Variants in ZBTB7C observed in about 807,000 individuals in gnomAD.
ZBTB7C encodes zinc finger and BTB domain containing 7C.
In ZBTB7C, 8 loss-of-function variants were observed where a neutral mutation model predicts 25.7. The ratio of observed to expected loss-of-function variants is 0.31; its 90% CI spans 0.18 to 0.56. The LOEUF (loss-of-function observed/expected upper bound fraction) is 0.56. Ranked by LOEUF, ZBTB7C falls within the 20% of genes least tolerant of loss-of-function variation. The pLI, the probability that ZBTB7C is intolerant of heterozygous loss-of-function variation, is 0.91. For synonymous variants in ZBTB7C, 394 were observed against 369.0 expected, an observed-to-expected ratio of 1.07 and a Z score of -0.78; for missense variants, 824 against 855.2, an observed-to-expected ratio of 0.96 and a Z score of 0.46.
At chr18:48,107,566 T>C (rs575999572) in intron 3 of ZBTB7C, among the ~76,000 whole-genome samples, 1 of 152,038 alleles carries the variant, frequency 6.6e-6, no homozygotes, top group South Asian at 2.1e-4. Context: ...CCTGGAGATG[T>C]TTCTGGTGAT....
At chr18:48,122,822 G>A (rs770618328) in intron 3 of ZBTB7C, among the ~76,000 whole-genome samples, 6 of 152,176 alleles carry the variant, frequency 3.9e-5, no homozygotes, top group Admixed American at 2.0e-4. Context: ...TAGCACCATT[G>A]TAGCTGCTCA....
chr18:48,286,298 G>A (rs1390543084), intron 2 of ZBTB7C, among the ~76,000 whole-genome samples: 1 of 151,274 alleles, frequency 6.6e-6, no homozygotes, highest in Non-Finnish European at 1.5e-5. Flanking sequence ...AATCATCATG[G>A]TAACTAGAAA....
chr18:48,058,489 G>A lies in ZBTB7C; in HGVS notation c.-16-17366C>T, dbSNP rs576708896. Among the ~76,000 whole-genome samples the A allele has an allele frequency of 1.2e-4, 18 of 152,306 alleles. No individual in the cohort carries two copies. In the South Asian group the frequency reaches 1.2e-3, roughly 11 times the overall value. The stretch of plus-strand genomic sequence containing the variant: ...TCCATTCTCTTTTCTGCATTGGTGC[G>A]TGTTCCTTTGAGCTGCTCACACCTC... On this transcript the variant is annotated intron_variant, in intron 3 of 4. Coordinates refer to ENST00000590800, the MANE Select transcript of ZBTB7C (RefSeq NM_001318841.2).
intron 2 of ZBTB7C, among the ~76,000 whole-genome samples, chr18:48,265,715 A>T (rs150756084): frequency 6.6e-6 from 1 of 152,290 alleles, no homozygotes; most frequent in African/African-American, 2.4e-5. Flanking sequence ...ACAAACCCTA[A>T]ATGAGGGGCA....
At chr18:48,156,128 G>A (rs796249751) in intron 3 of ZBTB7C, among the ~76,000 whole-genome samples, 2 of 152,202 alleles carry the variant, frequency 1.3e-5, no homozygotes, top group Admixed American at 1.3e-4. Context: ...TTACAAATGC[G>A]CCTACAGGGC....
At chr18:48,076,411 G>A (rs1166892334) in intron 3 of ZBTB7C, among the ~76,000 whole-genome samples, 1 of 152,236 alleles carries the variant, frequency 6.6e-6, no homozygotes, top group Non-Finnish European at 1.5e-5. Flanking sequence ...GGTGCCTAGA[G>A]GAGGGTAAGG....
At chr18:48,326,279 A>G (rs776826143) in intron 2 of ZBTB7C, among the ~76,000 whole-genome samples, 32 of 152,024 alleles carry the variant, frequency 2.1e-4, no homozygotes, top group Non-Finnish European at 4.1e-4. Flanking sequence ...CATTTTTAGT[A>G]GAGACGGGGT....
intron 2 of ZBTB7C, among the ~76,000 whole-genome samples, chr18:48,261,139 C>G (rs2156652): frequency 0.32 from 48,072 of 152,020 alleles, 7,871 homozygotes; most frequent in Middle Eastern, 0.4. Context: ...TTTAATTCAT[C>G]GGATAAACGT....
At chr18:48,228,992 A>C (rs2043181586) in intron 2 of ZBTB7C, among the ~76,000 whole-genome samples, 1 of 152,170 alleles carries the variant, frequency 6.6e-6, no homozygotes, top group African/African-American at 2.4e-5. Context: ...TGGAAACATA[A>C]GCACGGCAGG....
chr18:48,066,325 C>T (rs2037328465), intron 3 of ZBTB7C, among the ~76,000 whole-genome samples: 1 of 152,240 alleles, frequency 6.6e-6, no homozygotes, highest in Non-Finnish European at 1.5e-5. Flanking sequence ...CTGTACACCC[C>T]ACGGATGTGG....
At chr18:48,330,607 G>A (rs2046321858) in intron 2 of ZBTB7C, among the ~76,000 whole-genome samples, 1 of 151,900 alleles carries the variant, frequency 6.6e-6, no homozygotes. Flanking sequence ...GAAGGCTTGG[G>A]TGTCTGAGTC....
In ZBTB7C at chr18:48,353,424, G is replaced by T. The variant is rs147357737; in HGVS notation, c.-303-15026C>A. On this transcript the variant is annotated intron_variant, in intron 1 of 4. Coordinates refer to ENST00000590800, the MANE Select transcript of ZBTB7C (RefSeq NM_001318841.2). ...CTCCTCCTTCTTCAATCCATCCGTG[G>T]ATTTGCTGATTGACAAATGAGCTTC... is the stretch of plus-strand genomic sequence containing the variant. 9.3e-4 allele frequency among the ~76,000 whole-genome samples: 142 copies of T among 152,246 alleles called. 2 individuals are homozygous for T. In the East Asian group the frequency reaches 0.025, roughly 26 times the overall value.
intron 2 of ZBTB7C, among the ~76,000 whole-genome samples, chr18:48,311,815 A>G (rs2045827722): frequency 6.6e-6 from 1 of 152,244 alleles, no homozygotes; most frequent in African/African-American, 2.4e-5. Context: ...TTCTTCATCA[A>G]TAAGATAAAG....
intron 2 of ZBTB7C, among the ~76,000 whole-genome samples, chr18:48,318,802 C>T (rs1568373174): frequency 1.3e-5 from 2 of 152,154 alleles, no homozygotes; most frequent in Non-Finnish European, 2.9e-5. Context: ...GTGAGGCCCC[C>T]GCCGTCTTCT....
intron 1 of ZBTB7C, among the ~76,000 whole-genome samples, chr18:48,392,862 A>G (rs2047933821): frequency 6.6e-6 from 1 of 152,196 alleles, no homozygotes. Flanking sequence ...CTGGCAGGAC[A>G]GTGCAGTGAA....
chr18:48,326,420 G>T (rs1463005537), intron 2 of ZBTB7C, among the ~76,000 whole-genome samples: 2 of 151,990 alleles, frequency 1.3e-5, no homozygotes, highest in Non-Finnish European at 2.9e-5. Context: ...AAAAAGATTT[G>T]GGGTGGTCTG....
chr18:48,114,576 G>C (rs1325773944), intron 3 of ZBTB7C, among the ~76,000 whole-genome samples: 1 of 152,028 alleles, frequency 6.6e-6, no homozygotes, highest in Non-Finnish European at 1.5e-5. Flanking sequence ...ACTCCAGCCT[G>C]GGCAACAGAG....
At position 48,071,011 on chromosome 18, in the gene ZBTB7C, C is replaced by T. The variant is rs530750493; in HGVS notation, c.-16-29888G>A. Among the ~76,000 whole-genome samples the T allele has an allele frequency of 2.0e-5, 3 of 152,346 alleles. No individual in the cohort carries two copies. In the South Asian group the frequency reaches 6.2e-4, roughly 32 times the overall value. On this transcript the variant is annotated intron_variant, in intron 3 of 4. Transcript: ENST00000590800. ...CTTTTCCCCAGCAGCGTCTAAGGTT[C>T]TTAAGGGGAGAGAGCATGTCATACT...
At chr18:48,205,501 A>G (rs1161410046) in intron 2 of ZBTB7C, among the ~76,000 whole-genome samples, 1 of 152,032 alleles carries the variant, frequency 6.6e-6, no homozygotes, top group African/African-American at 2.4e-5. Flanking sequence ...CAGGAAGGAA[A>G]TAGACAGTAT....
Sources: gnomAD v4.1 joint callset for allele counts (sites outside exome capture counted in the v4.1 genomes callset) on GRCh38, gnomAD v4.1.1 for gene constraint, MANE v1.5 for transcripts, NCBI Gene and HGNC (gene_info 2026-07-23, HGNC 2026-07-21) for gene names.